Variants in KMO observed in about 807,000 individuals in gnomAD.
The protein encoded by KMO is kynurenine 3-hydroxylase.
KMO carries 24 observed loss-of-function variants against 57.8 expected under a neutral mutation model. The ratio of observed to expected loss-of-function variants is 0.42; its 90% CI spans 0.30 to 0.58. The LOEUF (loss-of-function observed/expected upper bound fraction) is 0.58. KMO is among the 20% of genes least tolerant of loss of function. The pLI, the probability that KMO is intolerant of heterozygous loss-of-function variation, is 0.22. For missense variants in KMO, 483 were observed against 588.2 expected, an observed-to-expected ratio of 0.82 and a Z score of 1.85; for synonymous variants, 210 against 193.6, an observed-to-expected ratio of 1.08 and a Z score of -0.70.
chr1:241,581,075 A>G (rs983819053), intron 10 of KMO, among the ~76,000 whole-genome samples: 6 of 152,130 alleles, frequency 3.9e-5, no homozygotes, highest in African/African-American at 1.4e-4. Flanking sequence ...GTCATTATAT[A>G]ATGAACTCAT....
chr1:241,548,938 C>G, intron 2 of KMO, 40 bp downstream of exon 2: 1 of 1,383,674 alleles, frequency 7.2e-7, no homozygotes, highest in Non-Finnish European at 1.0e-6. Flanking sequence ...ACGCTGGGCA[C>G]GGTGGCTCCT....
In KMO at chr1:241,593,719, T is replaced by A. The variant is rs1401713615; in HGVS notation, c.*1566T>A. On this transcript the variant is annotated 3_prime_UTR_variant, in exon 15 of 15. Coordinates refer to ENST00000366559, the MANE Select transcript of KMO (RefSeq NM_003679.5). ...GCGTCTTAGAACTCCCTGGCTTATA[T>A]AGCATCGACAAAGAACAGTAAATTT... 6.3e-6 allele frequency: 1 copy of A among 158,614 alleles called. No individual in the cohort carries two copies. Among genetic ancestry groups the A allele is most frequent in the African/African-American group, 2.4e-5 (1 of 41,516 alleles). 9.8% of individuals were successfully genotyped at this position (158,614 alleles called of 1,614,324 possible).
At chr1:241,538,469 T>C (rs770609745) in intron 1 of KMO, among the ~76,000 whole-genome samples, 2 of 152,338 alleles carry the variant, frequency 1.3e-5, no homozygotes, top group East Asian at 1.9e-4. Context: ...GTGACATACA[T>C]GCCAGAGACG....
At position 241,577,121 on chromosome 1, in the gene KMO, G is replaced by A. The variant is rs568441256; in HGVS notation, c.957+8474G>A. ...TTTCTGTAAAATATCTATCTCTTTA[G>A]GAAATTTTTCATTCATATTCTGAAT... is the stretch of plus-strand genomic sequence containing the variant. On this transcript the variant is annotated intron_variant, in intron 10 of 14. Coordinates refer to ENST00000366559, the MANE Select transcript of KMO (RefSeq NM_003679.5). Among the ~76,000 whole-genome samples, 18 of 151,958 alleles carry A rather than the reference G, an allele frequency of 1.2e-4. No individual in the cohort carries two copies. In the South Asian group the frequency reaches 3.7e-3, roughly 32 times the overall value.
At chr1:241,545,126 A>G in intron 1 of KMO, among the ~76,000 whole-genome samples, 1 of 152,176 alleles carries the variant, frequency 6.6e-6, no homozygotes, top group East Asian at 1.9e-4. Context: ...TAAAAATGTA[A>G]TCTCTACCAT....
intron 10 of KMO, among the ~76,000 whole-genome samples, chr1:241,585,271 TTAA>T (rs1222677174): frequency 6.6e-6 from 1 of 151,968 alleles, no homozygotes; most frequent in Non-Finnish European, 1.5e-5. Context: ...AATTGGAATT[TTAA>T]TAATGTCTAC....
At chr1:241,590,952 GCA>G (rs1663272610) in intron 14 of KMO, among the ~76,000 whole-genome samples, 1 of 152,296 alleles carries the variant, frequency 6.6e-6, no homozygotes, top group Middle Eastern at 3.4e-3. Flanking sequence ...CTGGAAGGCA[GCA>G]CAGTGTGTGA....
At chr1:241,537,959 T>C (rs1660807000) in intron 1 of KMO, among the ~76,000 whole-genome samples, 2 of 152,118 alleles carry the variant, frequency 1.3e-5, no homozygotes, top group African/African-American at 4.8e-5. Flanking sequence ...AAAGAGAAGA[T>C]TTTATTCACA....
At chr1:241,547,989 A>G (rs1482953209) in intron 1 of KMO, among the ~76,000 whole-genome samples, 2 of 152,190 alleles carry the variant, frequency 1.3e-5, no homozygotes, top group Non-Finnish European at 2.9e-5. Flanking sequence ...ATGAAGAATC[A>G]TATAGAAACA....
At chr1:241,570,485 T>G (rs1038640825) in intron 10 of KMO, among the ~76,000 whole-genome samples, 16 of 152,136 alleles carry the variant, frequency 1.1e-4, no homozygotes, top group Non-Finnish European at 7.4e-5. Flanking sequence ...AGTTTCATTC[T>G]TCAGCATATG....
At chr1:241,554,440 G>C (rs1558417588) in intron 4 of KMO, among the ~76,000 whole-genome samples, 1 of 151,514 alleles carries the variant, frequency 6.6e-6, no homozygotes, top group Non-Finnish European at 1.5e-5. Context: ...GACCCGGCTT[G>C]TTTTTGTATT....
intron 10 of KMO, among the ~76,000 whole-genome samples, chr1:241,572,925 A>G (rs962237281): frequency 6.6e-6 from 1 of 152,140 alleles, no homozygotes; most frequent in African/African-American, 2.4e-5. Flanking sequence ...CACTTAAAAT[A>G]TTGGGCTCCA....
intron 6 of KMO, among the ~76,000 whole-genome samples, chr1:241,560,983 G>T (rs966590610): frequency 3.3e-5 from 5 of 152,110 alleles, no homozygotes; most frequent in African/African-American, 1.2e-4. Context: ...CTACTGTACT[G>T]TATTCCACAC....
rs1661886165 is a variant in KMO, at chr1:241,562,496, A to G, written c.615+164A>G. ...AATGGGATGCATGGGTATCTTTTTA[A>G]CAGCACGATTCTCAGTCCTTCCTTG... On this transcript the variant is annotated intron_variant, in intron 7 of 14. Coordinates refer to ENST00000366559, the MANE Select transcript of KMO (RefSeq NM_003679.5). 2.0e-5 allele frequency among the ~76,000 whole-genome samples: 3 copies of G among 152,222 alleles called. No homozygotes were observed. The South Asian group carries it at 6.2e-4, about 32-fold the overall frequency.
At chr1:241,590,312 G>A (rs1446142041) in intron 14 of KMO, 49 bp downstream of exon 14, 4 of 1,358,102 alleles carry the variant, frequency 2.9e-6, no homozygotes, top group African/African-American at 2.9e-5. Flanking sequence ...GTTTTGAAAT[G>A]TCATAGTATT....
At chr1:241,567,655 C>T (rs1662133539) in intron 9 of KMO, among the ~76,000 whole-genome samples, 1 of 152,188 alleles carries the variant, frequency 6.6e-6, no homozygotes, top group Admixed American at 6.5e-5. Flanking sequence ...ATTAAATGAG[C>T]TAATTATGTA....
rs1440211342 is a variant in KMO, at chr1:241,593,623, T to C, written c.*1470T>C. The C allele has an allele frequency of 3.2e-5, 7 of 219,360 alleles. No individual in the cohort carries two copies. Among genetic ancestry groups the C allele is most frequent in the Admixed American group, 1.3e-4 (3 of 22,250 alleles). The allele number at this position is 219,360 out of a possible 1,614,324, so 13.6% of individuals were successfully genotyped here. A position where few individuals can be genotyped will look rare whatever the true frequency, so the allele number is the denominator to read the frequency against. ...CAGATTGACAAGAGAAAAACAAACA[T>C]AAATTTATTAGCGGGTATATGTAAT... On this transcript the variant is annotated 3_prime_UTR_variant, in exon 15 of 15. Transcript: ENST00000366559.
chr1:241,540,060 A>G (rs1660906059), intron 1 of KMO, among the ~76,000 whole-genome samples: 1 of 152,170 alleles, frequency 6.6e-6, no homozygotes, highest in African/African-American at 2.4e-5. Context: ...TCATTTTTTG[A>G]AAGAAATTAT....
chr1:241,555,629 C>A lies in KMO; in HGVS notation c.330C>A (p.Ser110Arg). 1 of 1,574,156 alleles carries A rather than the reference C, an allele frequency of 6.4e-7. No individual in the cohort carries two copies. The highest frequency in any genetic ancestry group is 8.7e-7 in the Non-Finnish European group (1 of 1,145,256). Reference sequence around the variant, plus strand: ...TCTTGCAGTATATTCTTTCTGTAAGCAGAGAAAATCTAAACAAGGATCTAT... The same window carrying A: ...TCTTGCAGTATATTCTTTCTGTAAGAAGAGAAAATCTAAACAAGGATCTAT... ...GTKSQYILSV[S>R]RENLNKDLLT... is the part of the protein sequence containing the mutation. Residue 110 changes from serine (S) to arginine (R), a missense_variant, in exon 5 of 15, where the codon AGC becomes AGA. Ser to Arg is a moderately radical substitution (Grantham distance 110). Transcript: ENST00000366559.
Sources: allele counts gnomAD v4.1 joint callset (sites outside exome capture counted in the v4.1 genomes callset), GRCh38; gene constraint gnomAD v4.1.1; transcripts MANE v1.5; gene names NCBI Gene and HGNC (gene_info 2026-07-23, HGNC 2026-07-21).